PAN3: variants seen among roughly 807,000 people sequenced by gnomAD.
PAN3 encodes the protein poly(A) specific ribonuclease subunit PAN3.
PAN3 carries 19 observed loss-of-function variants against 96.2 expected under a neutral mutation model. The ratio of observed to expected loss-of-function variants is 0.20; its 90% CI spans 0.14 to 0.29. PAN3 has a LOEUF of 0.29. Among genes scored for constraint, PAN3 ranks in the 10% least tolerant of loss-of-function variants. PAN3 has a pLI of 1.00. For missense variants in PAN3, 882 were observed against 1,108.1 expected, an observed-to-expected ratio of 0.80 and a Z score of 2.90; for synonymous variants, 433 against 406.6, an observed-to-expected ratio of 1.06 and a Z score of -0.78.
chr13:28,283,880 T>C (rs1050510873), intron 17 of PAN3, among the ~76,000 whole-genome samples: 4 of 152,202 alleles, frequency 2.6e-5, no homozygotes, highest in Non-Finnish European at 4.4e-5. Flanking sequence ...GCTATGTGTC[T>C]CCTCATACTT....
At chr13:28,204,671 G>GT (rs1218699820) in intron 5 of PAN3, among the ~76,000 whole-genome samples, 3 of 152,086 alleles carry the variant, frequency 2.0e-5, no homozygotes, top group East Asian at 1.9e-4. Context: ...AACTTAATGT[G>GT]TTTTTTCCTG....
chr13:28,174,554 G>T (rs1874713907), intron 2 of PAN3, among the ~76,000 whole-genome samples, 161 bp downstream of exon 2: 1 of 152,162 alleles, frequency 6.6e-6, no homozygotes, highest in Non-Finnish European at 1.5e-5. Flanking sequence ...TGGGGTTGGA[G>T]TTAATGAGAG....
intron 1 of PAN3, among the ~76,000 whole-genome samples, chr13:28,157,178 C>G (rs575175047): frequency 4.6e-5 from 7 of 152,042 alleles, no homozygotes; most frequent in African/African-American, 1.4e-4. Flanking sequence ...ATTCAACATC[C>G]CTTCATGTTA....
Position 28,260,439 on chromosome 13 carries a change from C to T in PAN3, c.1249-8C>T, listed in dbSNP as rs1414481368. On this transcript the variant is annotated splice_region_variant and splice_polypyrimidine_tract_variant and intron_variant, in intron 7 of 18. Coordinates refer to ENST00000380958, the MANE Select transcript of PAN3 (RefSeq NM_175854.8). The stretch of plus-strand genomic sequence containing the variant: ...GTGATTACATTTACCCCCTTCCTAC[C>T]TTTTTAGGTGTTTCCAAACTATCAT... The T allele has an allele frequency of 6.3e-7, 1 of 1,594,434 alleles. No homozygotes were observed. Among genetic ancestry groups the T allele is most frequent in the African/African-American group, 1.3e-5 (1 of 74,328 alleles).
At chr13:28,260,669 A>G (rs1885629594) in intron 8 of PAN3, 118 bp downstream of exon 8, 3 of 795,928 alleles carry the variant, frequency 3.8e-6, no homozygotes, top group Non-Finnish European at 3.9e-6. Context: ...CTAGTAAAGC[A>G]CATCGAATTT....
intron 1 of PAN3, among the ~76,000 whole-genome samples, chr13:28,145,804 G>C (rs1025602508): frequency 4.2e-5 from 6 of 141,614 alleles, no homozygotes; most frequent in Non-Finnish European, 7.6e-5. Flanking sequence ...CTGTCACCCA[G>C]GCTGGAGTGC....
intron 17 of PAN3, among the ~76,000 whole-genome samples, chr13:28,283,207 C>T (rs541050823): frequency 6.6e-6 from 1 of 152,196 alleles, no homozygotes; most frequent in Non-Finnish European, 1.5e-5. Context: ...TGCCACCATG[C>T]CCAGCTAATT....
At chr13:28,221,510 G>A (rs1175877105) in intron 6 of PAN3, among the ~76,000 whole-genome samples, 1 of 152,046 alleles carries the variant, frequency 6.6e-6, no homozygotes, top group East Asian at 1.9e-4. Context: ...GGACCTCTTT[G>A]GGAAGAAAAA....
chr13:28,138,623 CG>C lies in PAN3; in HGVS notation c.-32del, dbSNP rs1359209166. ...TATGGTGGTGGCGGCGGCGGCTCCT[CG>C]GGCGGCGGCGGAAGACGAGGCTGCG... On this transcript the variant is annotated 5_prime_UTR_variant, in exon 1 of 19. Coordinates refer to ENST00000380958, the MANE Select transcript of PAN3 (RefSeq NM_175854.8). 4.5e-6 allele frequency: 2 copies of C among 441,560 alleles called. No individual in the cohort carries two copies. The highest frequency in any genetic ancestry group is 4.8e-5 in the Admixed American group (1 of 20,848). The allele number at this position is 441,560 out of a possible 1,614,324, so 27.4% of individuals were successfully genotyped here.
At chr13:28,253,506 A>C (rs1215348767) in intron 6 of PAN3, among the ~76,000 whole-genome samples, 2 of 151,778 alleles carry the variant, frequency 1.3e-5, no homozygotes, top group Admixed American at 6.6e-5. Flanking sequence ...TTAATTTCCT[A>C]TGCAATTTAA....
At chr13:28,173,015 G>GT (rs1445521380) in intron 1 of PAN3, among the ~76,000 whole-genome samples, 6 of 152,124 alleles carry the variant, frequency 3.9e-5, no homozygotes, top group Non-Finnish European at 7.4e-5. Context: ...TAAAATGGGG[G>GT]GACAGGGAGT....
chr13:28,223,644 A>G (rs943770126), intron 6 of PAN3, among the ~76,000 whole-genome samples: 1 of 151,266 alleles, frequency 6.6e-6, no homozygotes, highest in East Asian at 2.0e-4. Flanking sequence ...GCTCACTGCA[A>G]CCTCCACCTC....
At chr13:28,252,757 GTAAA>G (rs1293411773) in intron 6 of PAN3, among the ~76,000 whole-genome samples, 1 of 151,694 alleles carries the variant, frequency 6.6e-6, no homozygotes, top group African/African-American at 2.4e-5. Flanking sequence ...CATTTCAAGA[GTAAA>G]TGACAAAAAA....
At chr13:28,237,007 G>T (rs1883178103) in intron 6 of PAN3, among the ~76,000 whole-genome samples, 1 of 152,082 alleles carries the variant, frequency 6.6e-6, no homozygotes, top group African/African-American at 2.4e-5. Flanking sequence ...GGATTCTTTT[G>T]TTTTACAGAG....
At chr13:28,282,212 A>G (rs1206726858) in intron 17 of PAN3, among the ~76,000 whole-genome samples, 1 of 152,236 alleles carries the variant, frequency 6.6e-6, no homozygotes, top group Non-Finnish European at 1.5e-5. Flanking sequence ...TGTTTGTACT[A>G]CATAACTGTC....
At chr13:28,155,755 ACT>A (rs1872072469) in intron 1 of PAN3, among the ~76,000 whole-genome samples, 2 of 152,204 alleles carry the variant, frequency 1.3e-5, no homozygotes, top group South Asian at 2.1e-4. Flanking sequence ...TGTATAACAA[ACT>A]CTATTCAGGG....
Position 28,271,963 on chromosome 13 carries a change from A to C in PAN3, c.1959-18A>C. 6.8e-7 allele frequency: 1 copy of C among 1,466,320 alleles called. No homozygotes were observed. Among genetic ancestry groups the C allele is most frequent in the Non-Finnish European group, 9.2e-7 (1 of 1,085,442 alleles). The allele number at this position is 1,466,320 out of a possible 1,614,324, so 90.8% of individuals were successfully genotyped here. On this transcript the variant is annotated intron_variant, in intron 13 of 18. Transcript: ENST00000380958. ...AACTTATTTTAATTATTTTCTTTAA[A>C]TTATCTGGTCCTTAAAGGTTGCGAG...
At chr13:28,188,871 G>C (rs1309068649) in intron 4 of PAN3, among the ~76,000 whole-genome samples, 2 of 152,184 alleles carry the variant, frequency 1.3e-5, no homozygotes, top group African/African-American at 2.4e-5. Flanking sequence ...CTGTTACTTA[G>C]TAGCTTTAAC....
intron 1 of PAN3, among the ~76,000 whole-genome samples, chr13:28,161,629 TAAAC>T (rs775024347): frequency 3.9e-5 from 6 of 152,206 alleles, no homozygotes; most frequent in Non-Finnish European, 8.8e-5. Context: ...GTTGTGTGGT[TAAAC>T]AAATGAGATA....
Sources: gnomAD v4.1 joint callset for allele counts (sites outside exome capture counted in the v4.1 genomes callset) on GRCh38, gnomAD v4.1.1 for gene constraint, MANE v1.5 for transcripts, NCBI Gene and HGNC (gene_info 2026-07-23, HGNC 2026-07-21) for gene names.